Variants in ETS1 observed in about 807,000 individuals in gnomAD.
ETS1 encodes protein C-ets-1.
ETS1 carries 15 observed loss-of-function variants against 58.6 expected under a neutral mutation model. That is an observed-to-expected ratio of 0.26 (90% CI 0.17 to 0.39). The LOEUF (loss-of-function observed/expected upper bound fraction) is 0.39. Ranked by LOEUF, ETS1 falls within the 10% of genes least tolerant of loss-of-function variation. The pLI is 1.00. For missense variants in ETS1, 417 were observed against 610.5 expected, an observed-to-expected ratio of 0.68 and a Z score of 3.34; for synonymous variants, 214 against 218.2, an observed-to-expected ratio of 0.98 and a Z score of 0.17.
intron 3 of ETS1, among the ~76,000 whole-genome samples, chr11:128,539,094 T>G (rs183325816): frequency 1.3e-5 from 2 of 152,246 alleles, no homozygotes; most frequent in Non-Finnish European, 2.9e-5. Flanking sequence ...GCTATAAAGC[T>G]CATATAAGAA....
intron 3 of ETS1, among the ~76,000 whole-genome samples, chr11:128,519,877 T>A (rs991572424): frequency 6.6e-6 from 1 of 152,136 alleles, no homozygotes; most frequent in Non-Finnish European, 1.5e-5. Flanking sequence ...AAAAAAAAAG[T>A]TGATTATAGT....
intron 3 of ETS1, chr11:128,526,844 T>C (rs1040513110): frequency 4.4e-6 from 2 of 449,486 alleles, no homozygotes; most frequent in Non-Finnish European, 8.9e-6. Context: ...TAGAGCTCAA[T>C]GGGAGTTTAT....
At chr11:128,547,232 T>G (rs566786878) in intron 3 of ETS1, among the ~76,000 whole-genome samples, 5 of 152,342 alleles carry the variant, frequency 3.3e-5, no homozygotes, top group African/African-American at 1.2e-4. Flanking sequence ...AAGTACAATG[T>G]GCTAAGTGCC....
chr11:128,563,738 C>G (rs1299194563), intron 2 of ETS1, among the ~76,000 whole-genome samples: 1 of 152,212 alleles, frequency 6.6e-6, no homozygotes, highest in Non-Finnish European at 1.5e-5. Flanking sequence ...TGTTTGTCTT[C>G]ATTCTCTCCC....
intron 3 of ETS1, 60 bp downstream of exon 3, chr11:128,556,231 A>C: frequency 6.9e-7 from 1 of 1,439,912 alleles, no homozygotes; most frequent in Non-Finnish European, 9.5e-7. Flanking sequence ...TGCAGCCCTC[A>C]TCACATTTCC....
At chr11:128,564,625 C>G (rs1864460299) in intron 2 of ETS1, among the ~76,000 whole-genome samples, 1 of 152,154 alleles carries the variant, frequency 6.6e-6, no homozygotes, top group South Asian at 2.1e-4. Flanking sequence ...AACTTGAGAC[C>G]ACAGTCCTGG....
chr11:128,537,840 A>G (rs899235941), intron 3 of ETS1, among the ~76,000 whole-genome samples: 21 of 152,326 alleles, frequency 1.4e-4, no homozygotes, highest in Non-Finnish European at 2.6e-4. Context: ...TTTTAAAGCT[A>G]TATATCCCAA....
At chr11:128,585,115 G>A (rs181339260) in intron 1 of ETS1, among the ~76,000 whole-genome samples, 224 of 12,702 alleles carry the variant, frequency 0.018, 46 homozygotes, top group Non-Finnish European at 0.021. Context: ...AAGGAAGGAA[G>A]GAAAGAAAGA....
chr11:128,549,910 T>C lies in ETS1; in HGVS notation c.214+6381A>G, dbSNP rs1229729168. Reference sequence around the variant, plus strand: ...ACATTAGCCTTGAGCAAGATAAGAGTGGGCAGGACTCAGATGTGAGTGGGC... The same window carrying C: ...ACATTAGCCTTGAGCAAGATAAGAGCGGGCAGGACTCAGATGTGAGTGGGC... On this transcript the variant is annotated intron_variant, in intron 3 of 9. Coordinates refer to ENST00000392668, the MANE Select transcript of ETS1 (RefSeq NM_001143820.2). The surrounding 1 kb of genome is among the most constrained non-coding windows in gnomAD (Gnocchi z 4.3). Among the ~76,000 whole-genome samples the C allele has an allele frequency of 2.6e-5, 4 of 151,892 alleles. No individual in the cohort carries two copies. Among genetic ancestry groups the C allele is most frequent in the East Asian group, 1.9e-4 (1 of 5,172 alleles).
At chr11:128,568,441 A>G (rs753291667) in intron 2 of ETS1, among the ~76,000 whole-genome samples, 1 of 152,182 alleles carries the variant, frequency 6.6e-6, no homozygotes, top group Non-Finnish European at 1.5e-5. Flanking sequence ...GCAGCATAAC[A>G]GGAAGGAGCA....
chr11:128,479,644 A>C (rs1862427171), intron 8 of ETS1, among the ~76,000 whole-genome samples: 1 of 152,202 alleles, frequency 6.6e-6, no homozygotes, highest in Admixed American at 6.5e-5. Flanking sequence ...AATAAAGCCG[A>C]GTAAGAGAAG....
At chr11:128,515,204 T>C (rs1863489581) in intron 3 of ETS1, among the ~76,000 whole-genome samples, 1 of 152,142 alleles carries the variant, frequency 6.6e-6, no homozygotes, top group Non-Finnish European at 1.5e-5. Flanking sequence ...TCTTCACTTG[T>C]GTAATGAAGA....
At chr11:128,488,134 G>A (rs1335540997) in intron 5 of ETS1, among the ~76,000 whole-genome samples, 1 of 152,298 alleles carries the variant, frequency 6.6e-6, no homozygotes, top group African/African-American at 2.4e-5. Context: ...GGAGCCTGCC[G>A]TATCGTTTCC....
intron 3 of ETS1, among the ~76,000 whole-genome samples, chr11:128,513,804 C>A (rs1034084735): frequency 2.0e-5 from 3 of 152,134 alleles, no homozygotes; most frequent in Admixed American, 6.5e-5. Flanking sequence ...GTAATCCCAA[C>A]ATTTTAGGAG....
intron 3 of ETS1, among the ~76,000 whole-genome samples, chr11:128,508,036 T>C (rs1343146496): frequency 6.6e-6 from 1 of 152,220 alleles, no homozygotes; most frequent in Non-Finnish European, 1.5e-5. Context: ...GTTGGAATCA[T>C]AACTCAAGCC....
chr11:128,507,324 G>A lies in ETS1; in HGVS notation c.215-16748C>T, dbSNP rs1228960773. 4.6e-5 allele frequency among the ~76,000 whole-genome samples: 7 copies of A among 152,260 alleles called. No individual in the cohort carries two copies. The South Asian group carries it at 6.2e-4, about 14-fold the overall frequency. On this transcript the variant is annotated intron_variant, in intron 3 of 9. Transcript: ENST00000392668. The stretch of plus-strand genomic sequence containing the variant: ...GACAGGAACCAGAAGGCCAGCGCTG[G>A]TTCAGGGAACACACCAGATGAGATT...
At chr11:128,577,604 C>T (rs369330156) in intron 1 of ETS1, among the ~76,000 whole-genome samples, 4 of 151,906 alleles carry the variant, frequency 2.6e-5, no homozygotes, top group African/African-American at 9.7e-5. Flanking sequence ...CAGTGTAAAC[C>T]CCTCTTTTTA....
chr11:128,566,769 C>T (rs1864511417), intron 2 of ETS1, among the ~76,000 whole-genome samples: 1 of 143,906 alleles, frequency 6.9e-6, no homozygotes, highest in Non-Finnish European at 1.5e-5. Flanking sequence ...GGCGACAGAG[C>T]AAGACACCGT....
chr11:128,558,865 C>T (rs1004944003), intron 2 of ETS1, among the ~76,000 whole-genome samples: 2 of 152,178 alleles, frequency 1.3e-5, no homozygotes, highest in African/African-American at 4.8e-5. Context: ...AAACACACTT[C>T]CTAGTCTTAT....
Sources: allele counts gnomAD v4.1 joint callset (sites outside exome capture counted in the v4.1 genomes callset), GRCh38; gene constraint gnomAD v4.1.1; non-coding constraint Gnocchi (gnomAD v3.1); transcripts MANE v1.5; gene names NCBI Gene and HGNC (gene_info 2026-07-23, HGNC 2026-07-21).